Variants in RORB observed in about 807,000 individuals in gnomAD.
RORB encodes RAR related orphan receptor B, also known as nuclear receptor ROR-beta.
RORB carries 6 observed loss-of-function variants against 59.1 expected under a neutral mutation model. The ratio of observed to expected loss-of-function variants is 0.10; its 90% confidence interval spans 0.06 to 0.20. The LOEUF (loss-of-function observed/expected upper bound fraction) is 0.20. Ranked by LOEUF, RORB falls within the 10% of genes least tolerant of loss-of-function variation. The probability of loss-of-function intolerance (pLI) is 1.00; values close to 1 mark genes in which losing one functional copy is unlikely to be tolerated. For missense variants in RORB, 320 were observed against 560.5 expected (o/e 0.57, Z 4.33); for synonymous variants, 215 against 204.5 (o/e 1.05, Z -0.44).
At chr9:74,679,686 T>A (rs1824511186) in intron 9 of RORB, among the ~76,000 whole-genome samples, 1 of 152,184 alleles carries the variant, frequency 6.6e-6, no homozygotes, top group African/African-American at 2.4e-5. Flanking sequence ...ATTTTAACTG[T>A]TTATGGTTTG....
intron 1 of RORB, among the ~76,000 whole-genome samples, chr9:74,565,603 T>C (rs942150843): frequency 6.6e-6 from 1 of 152,198 alleles, no homozygotes; most frequent in Admixed American, 6.5e-5. Flanking sequence ...AATTGTGAAG[T>C]TAAGATGAAA....
chr9:74,691,011 A>G lies in RORB; in HGVS notation c.*5393A>G, dbSNP rs915258462. 4 of 152,162 alleles carry G rather than the reference A, an allele frequency of 2.6e-5. No individual in the cohort carries two copies. The highest frequency in any genetic ancestry group is 7.2e-5 in the African/African-American group (3 of 41,436). The allele number at this position is 152,162 out of a possible 1,614,324, so 9.4% of individuals were successfully genotyped here. On this transcript the variant is annotated 3_prime_UTR_variant, in exon 10 of 10. Transcript: ENST00000376896. ...TCCCTTAGTTGTATGTGAAGAATTT[A>G]TTCTATAGTCGTGATCATGTAGTCC... is the stretch of plus-strand genomic sequence containing the variant.
chr9:74,629,824 ACCATGCACTG>A (rs1823586209), intron 1 of RORB, among the ~76,000 whole-genome samples: 3 of 152,210 alleles, frequency 2.0e-5, no homozygotes, highest in Non-Finnish European at 4.4e-5. Context: ...GTATAAAGCT[ACCATGCACTG>A]CTCCCTCCCA....
intron 9 of RORB, among the ~76,000 whole-genome samples, chr9:74,676,970 T>C (rs1012329398): frequency 5.3e-5 from 8 of 152,200 alleles, no homozygotes; most frequent in African/African-American, 1.9e-4. Context: ...ACTTTGAAGT[T>C]CATCTCCTCA....
chr9:74,539,731 AGGGGCCAGTGAGAT>A (rs1826375333), intron 1 of RORB, among the ~76,000 whole-genome samples: 1 of 152,154 alleles, frequency 6.6e-6, no homozygotes, highest in Non-Finnish European at 1.5e-5. Flanking sequence ...CAGGGAAGAC[AGGGGCCAGTGAGAT>A]GGGGCCAGCT....
At chr9:74,580,940 TCTC>T (rs1305921474) in intron 1 of RORB, among the ~76,000 whole-genome samples, 1 of 152,122 alleles carries the variant, frequency 6.6e-6, no homozygotes, top group African/African-American at 2.4e-5. Context: ...CTCCATTGAA[TCTC>T]CAGACGTGAA....
At chr9:74,502,105 T>C (rs1174076038) in intron 1 of RORB, among the ~76,000 whole-genome samples, 4 of 152,162 alleles carry the variant, frequency 2.6e-5, no homozygotes, top group Non-Finnish European at 5.9e-5. Context: ...TTTACTTATT[T>C]TGGCAGCAAT....
chr9:74,579,536 A>G (rs1822689363), intron 1 of RORB, among the ~76,000 whole-genome samples: 1 of 152,128 alleles, frequency 6.6e-6, no homozygotes, highest in Non-Finnish European at 1.5e-5. Flanking sequence ...GTTGCAATAC[A>G]CAAAAGTTGG....
At chr9:74,561,327 A>G (rs77346225) in intron 1 of RORB, among the ~76,000 whole-genome samples, 8 of 152,180 alleles carry the variant, frequency 5.3e-5, no homozygotes, top group African/African-American at 1.9e-4. Context: ...TTAATAAAGA[A>G]ATACATTCCC....
Position 74,564,481 on chromosome 9 carries a change from T to G in RORB, c.8-65801T>G, listed in dbSNP as rs143631948. Among the ~76,000 whole-genome samples, 514 of 152,352 alleles carry G rather than the reference T, an allele frequency of 3.4e-3. 2 individuals are homozygous for G. Among genetic ancestry groups the G allele is most frequent in the Non-Finnish European group, 6.0e-3 (405 of 68,032 alleles). On this transcript the variant is annotated intron_variant, in intron 1 of 9. Transcript: ENST00000376896. ...CTTGTGAGTTATGTAACCTGCAAAT[T>G]ACTGTAACTCGCAAGCCCACCATTT... is the stretch of plus-strand genomic sequence containing the variant.
chr9:74,546,557 A>G (rs927814314), intron 1 of RORB, among the ~76,000 whole-genome samples: 1 of 152,224 alleles, frequency 6.6e-6, no homozygotes, highest in African/African-American at 2.4e-5. Flanking sequence ...GAAAGCTAAG[A>G]AAAAGCCATT....
chr9:74,529,467 A>G (rs1324362538), intron 1 of RORB, among the ~76,000 whole-genome samples: 2 of 151,814 alleles, frequency 1.3e-5, no homozygotes, highest in Non-Finnish European at 2.9e-5. Context: ...CCAATATTTC[A>G]ATCTTTGAAA....
chr9:74,654,325 G>A (rs955830747), intron 4 of RORB, among the ~76,000 whole-genome samples: 2 of 138,558 alleles, frequency 1.4e-5, no homozygotes, highest in East Asian at 2.2e-4. Flanking sequence ...GTCCTTTACA[G>A]TCTCAGGGGA....
At chr9:74,619,943 C>T (rs550989501) in intron 1 of RORB, among the ~76,000 whole-genome samples, 2 of 152,206 alleles carry the variant, frequency 1.3e-5, no homozygotes, top group African/African-American at 4.8e-5. Flanking sequence ...TTCGGTTTGC[C>T]AGTATTTTAT....
intron 1 of RORB, among the ~76,000 whole-genome samples, chr9:74,500,420 C>T (rs1432113718): frequency 1.3e-5 from 2 of 152,106 alleles, no homozygotes; most frequent in African/African-American, 2.4e-5. Flanking sequence ...TGAGAGTGAA[C>T]TTGAGAAGTG....
intron 7 of RORB, 51 bp from the exon 8 acceptor site, chr9:74,667,740 C>A: frequency 9.1e-7 from 1 of 1,098,104 alleles, no homozygotes. Flanking sequence ...CTTACTCTTG[C>A]CCCATTTCAA....
intron 4 of RORB, among the ~76,000 whole-genome samples, chr9:74,649,867 C>T (rs1465541598): frequency 6.6e-6 from 1 of 152,196 alleles, no homozygotes; most frequent in African/African-American, 2.4e-5. Flanking sequence ...CATTAGACTA[C>T]ATTCATCTAA....
chr9:74,595,548 G>A (rs941973285), intron 1 of RORB, among the ~76,000 whole-genome samples: 2 of 152,150 alleles, frequency 1.3e-5, no homozygotes, highest in African/African-American at 4.8e-5. Context: ...GCATTAGATC[G>A]ATGAGGTGGA....
chr9:74,667,853 A>G lies in RORB; in HGVS notation c.1063A>G (p.Thr355Ala). The G allele has an allele frequency of 1.2e-6, 2 of 1,613,770 alleles. No homozygotes were observed. The highest frequency in any genetic ancestry group is 2.2e-5 in the South Asian group (2 of 91,064). ...FAKNLCSLQL[T>A]EEEIALFSSA... is the part of the protein sequence containing the mutation. ...AAAGAATTTGTGTTCCTTGCAGCTG[A>G]CCGAGGAGGAGATCGCTTTGTTCTC... The change falls in exon 8 of 10, where the codon ACC becomes GCC. Residue 355 changes from threonine to alanine, a missense_variant. Physicochemically the swap from Thr to Ala is moderately conservative, Grantham distance 58. Transcript: ENST00000376896.
Sources: allele counts gnomAD v4.1 joint callset (sites outside exome capture counted in the v4.1 genomes callset), GRCh38; gene constraint gnomAD v4.1.1; transcripts MANE v1.5; gene names NCBI Gene and HGNC (gene_info 2026-07-23, HGNC 2026-07-21).